The following AFAP1L2 variants were observed in gnomAD, a reference collection of about 807,000 sequenced individuals.
The protein encoded by AFAP1L2 is actin filament-associated protein 1-like 2.
Under a neutral mutation model 99.3 loss-of-function variants are expected in AFAP1L2, and 46 were observed. The ratio of observed to expected loss-of-function variants is 0.46; its 90% confidence interval spans 0.37 to 0.59. The LOEUF is 0.59. Ranked by LOEUF, AFAP1L2 falls within the 20% of genes least tolerant of loss-of-function variation. AFAP1L2 has a pLI of 0.00. For synonymous variants in AFAP1L2, 397 were observed against 419.1 expected (o/e 0.95, Z 0.64); for missense variants, 959 against 1,034.9 (o/e 0.93, Z 1.01).
At chr10:114,360,509 T>TTAGATAGATAGATAGA (rs57811868) in intron 1 of AFAP1L2, among the ~76,000 whole-genome samples, 5 of 107,364 alleles carry the variant, frequency 4.7e-5, no homozygotes, top group African/African-American at 1.4e-4. Flanking sequence ...AGATAGATAG[T>TTAGATAGATAGATAGA]TAGATAGATA....
In AFAP1L2 at chr10:114,295,227, T is replaced by TAAAC. The variant is rs2133827914; in HGVS notation, c.*811_*814dup. 1 of 985,788 alleles carries TAAAC rather than the reference T, an allele frequency of 1.0e-6. No individual in the cohort carries two copies. The highest frequency in any genetic ancestry group is 6.1e-5 in the Admixed American group (1 of 16,282). 61.1% of individuals were successfully genotyped at this position (985,788 alleles called of 1,614,324 possible). On this transcript the variant is annotated 3_prime_UTR_variant, in exon 19 of 19. Coordinates refer to ENST00000304129, the MANE Select transcript of AFAP1L2 (RefSeq NM_001001936.3). ...TGGCCTGACCACAGCAATGAATCTG[T>TAAAC]AAACACAGAGTAATATTTTTCCTAC...
At chr10:114,382,052 A>C (rs1372429623) in intron 1 of AFAP1L2, among the ~76,000 whole-genome samples, 3 of 152,224 alleles carry the variant, frequency 2.0e-5, no homozygotes, top group Non-Finnish European at 4.4e-5. Flanking sequence ...AACAAACAAG[A>C]CATTTTGCTG....
chr10:114,295,358 T>TAAAGAC lies in AFAP1L2; in HGVS notation c.*678_*683dup. 1 of 985,642 alleles carries TAAAGAC rather than the reference T, an allele frequency of 1.0e-6. No individual in the cohort carries two copies. Among genetic ancestry groups the TAAAGAC allele is most frequent in the Non-Finnish European group, 1.2e-6 (1 of 829,718 alleles). The allele number at this position is 985,642 out of a possible 1,614,324, so 61.1% of individuals were successfully genotyped here. The stretch of plus-strand genomic sequence containing the variant: ...ATACAGCATCACTTAAAATTTTATT[T>TAAAGAC]AAAGACAGTTGATTCAGGCCTGCCT... On this transcript the variant is annotated 3_prime_UTR_variant, in exon 19 of 19. Transcript: ENST00000304129.
At chr10:114,394,207 A>G (rs1045606969) in intron 1 of AFAP1L2, among the ~76,000 whole-genome samples, 4 of 152,308 alleles carry the variant, frequency 2.6e-5, no homozygotes, top group African/African-American at 9.6e-5. Flanking sequence ...GGAAGATGTC[A>G]TTTCTTGCAG....
exon 1 of AFAP1L2, chr10:114,404,497 TGCTCTCCCGGC>T (rs1565119003): frequency 1.3e-6 from 2 of 1,526,424 alleles, no homozygotes; most frequent in African/African-American, 2.8e-5. Flanking sequence ...GCTTCTGCGC[TGCTCTCCCGGC>T]GCTCGGCTCA....
intron 1 of AFAP1L2, among the ~76,000 whole-genome samples, chr10:114,387,764 AAC>A (rs2056684918): frequency 6.6e-6 from 1 of 152,208 alleles, no homozygotes; most frequent in South Asian, 2.1e-4. Flanking sequence ...CCTACAGCTA[AAC>A]ACAGACCTCA....
chr10:114,394,394 C>A (rs1267592536), intron 1 of AFAP1L2, among the ~76,000 whole-genome samples: 1 of 152,158 alleles, frequency 6.6e-6, no homozygotes, highest in African/African-American at 2.4e-5. Flanking sequence ...AAATTCAAGC[C>A]ACGGCTATTT....
intron 7 of AFAP1L2, among the ~76,000 whole-genome samples, chr10:114,311,862 A>G (rs981442204): frequency 6.6e-6 from 1 of 152,214 alleles, no homozygotes; most frequent in Admixed American, 6.5e-5. Flanking sequence ...CAGAATTGGG[A>G]CACAGAGGTC....
At position 114,355,462 on chromosome 10, in the gene AFAP1L2, G is replaced by A. The variant is rs558194210; in HGVS notation, c.17-14731C>T. On this transcript the variant is annotated intron_variant, in intron 1 of 18. Transcript: ENST00000304129. ...GCGACTCTCCATGGTCCCCAGTACA[G>A]GGCCCACAGCAGTGCTTTGGAAACT... is the stretch of plus-strand genomic sequence containing the variant. 1.4e-3 allele frequency among the ~76,000 whole-genome samples: 214 copies of A among 152,048 alleles called. 1 individual carries two copies. The highest frequency in any genetic ancestry group is 4.8e-3 in the African/African-American group (200 of 41,462).
intron 1 of AFAP1L2, among the ~76,000 whole-genome samples, chr10:114,367,748 G>A (rs181248545): frequency 1.3e-5 from 2 of 152,316 alleles, no homozygotes; most frequent in Admixed American, 1.3e-4. Flanking sequence ...GGGGGTGGAA[G>A]AGAGACTGCT....
intron 1 of AFAP1L2, among the ~76,000 whole-genome samples, chr10:114,372,202 T>C (rs1299713488): frequency 6.6e-6 from 1 of 152,198 alleles, no homozygotes; most frequent in Non-Finnish European, 1.5e-5. Flanking sequence ...TAACCCCAGA[T>C]TGACCACTGC....
chr10:114,382,064 T>C (rs145207421), intron 1 of AFAP1L2, among the ~76,000 whole-genome samples: 6 of 152,354 alleles, frequency 3.9e-5, no homozygotes, highest in Non-Finnish European at 5.9e-5. Flanking sequence ...ATTTTGCTGA[T>C]GAGAGTGAAA....
intron 1 of AFAP1L2, among the ~76,000 whole-genome samples, chr10:114,341,521 G>C (rs186202501): frequency 4.0e-5 from 6 of 151,724 alleles, no homozygotes; most frequent in Admixed American, 3.3e-4. Context: ...GCTGAGGCAG[G>C]AGAATCGCTT....
At chr10:114,348,041 G>A (rs902663338) in intron 1 of AFAP1L2, among the ~76,000 whole-genome samples, 2 of 151,926 alleles carry the variant, frequency 1.3e-5, no homozygotes, top group African/African-American at 4.8e-5. Flanking sequence ...GCCTATTCTG[G>A]GTATTGCATA....
At position 114,295,822 on chromosome 10, in the gene AFAP1L2, G is replaced by GACTT. The variant is rs1387917301; in HGVS notation, c.*216_*219dup. ...TACAACGTCTTGTTTACATCCAATA[G>GACTT]ACTTAGGTCTCCAAAGAAGCCTCCT... On this transcript the variant is annotated 3_prime_UTR_variant, in exon 19 of 19. Coordinates refer to ENST00000304129, the MANE Select transcript of AFAP1L2 (RefSeq NM_001001936.3). 2.2e-6 allele frequency: 3 copies of GACTT among 1,378,284 alleles called. No homozygotes were observed. Among genetic ancestry groups the GACTT allele is most frequent in the Admixed American group, 3.2e-5 (1 of 31,676 alleles). The allele number at this position is 1,378,284 out of a possible 1,614,324, so 85.4% of individuals were successfully genotyped here.
At chr10:114,387,846 G>A (rs2056695457) in intron 1 of AFAP1L2, among the ~76,000 whole-genome samples, 1 of 152,166 alleles carries the variant, frequency 6.6e-6, no homozygotes, top group Non-Finnish European at 1.5e-5. Context: ...ACTCTGGGTA[G>A]GTCAGGGATC....
chr10:114,370,571 C>T (rs2420060), intron 1 of AFAP1L2, among the ~76,000 whole-genome samples: 24,863 of 152,190 alleles, frequency 0.16, 2,201 homozygotes, highest in South Asian at 0.26. Context: ...AATCCTGCCC[C>T]GTGTATTTTC....
chr10:114,394,143 G>T (rs966713464), intron 1 of AFAP1L2, among the ~76,000 whole-genome samples: 1 of 152,192 alleles, frequency 6.6e-6, no homozygotes, highest in Non-Finnish European at 1.5e-5. Context: ...CTGTGCCGGG[G>T]GGACGACCGG....
At chr10:114,342,056 T>C (rs2048899509) in intron 1 of AFAP1L2, among the ~76,000 whole-genome samples, 1 of 152,280 alleles carries the variant, frequency 6.6e-6, no homozygotes, top group Middle Eastern at 3.4e-3. Context: ...CCGCTAGACT[T>C]GGGGTTTTCT....
Sources: gnomAD v4.1 joint callset for allele counts (sites outside exome capture counted in the v4.1 genomes callset) on GRCh38, gnomAD v4.1.1 for gene constraint, MANE v1.5 for transcripts, NCBI Gene and HGNC (gene_info 2026-07-23, HGNC 2026-07-21) for gene names.